The following ABTB3 variants were observed in gnomAD, a reference collection of about 807,000 sequenced individuals.
The protein encoded by ABTB3 is ankyrin repeat- and BTB/POZ domain-containing protein 3.
the ABTB3 span, among the ~76,000 whole-genome samples, chr12:107,491,572 C>G: frequency 6.6e-6 from 1 of 152,102 alleles, no homozygotes; most frequent in Non-Finnish European, 1.5e-5. Context: ...CCTGTAATCC[C>G]AGCACTTTGG....
the ABTB3 span, among the ~76,000 whole-genome samples, chr12:107,463,056 GTGA>G: frequency 1.3e-5 from 2 of 151,720 alleles, no homozygotes; most frequent in South Asian, 2.1e-4. Context: ...GGTGATGATG[GTGA>G]TGATGATGGT....
the ABTB3 span, chr12:107,635,472 A>C: frequency 7.3e-7 from 1 of 1,362,772 alleles, no homozygotes; most frequent in Non-Finnish European, 1.0e-6. Flanking sequence ...AAGGAATGCC[A>C]GGAGGGAGGG....
the ABTB3 span, among the ~76,000 whole-genome samples, chr12:107,450,663 C>T: frequency 2.1e-3 from 327 of 152,258 alleles, 5 homozygotes; most frequent in African/African-American, 7.8e-3. Context: ...AAACTCTAAT[C>T]CTCCTTCCTG....
the ABTB3 span, among the ~76,000 whole-genome samples, chr12:107,526,634 A>G: frequency 1.3e-5 from 2 of 152,098 alleles, no homozygotes; most frequent in Admixed American, 6.5e-5. Flanking sequence ...TCTGTTGTTT[A>G]AAGAAAAAAA....
At chr12:107,426,090 TG>T in the ABTB3 span, among the ~76,000 whole-genome samples, 2 of 148,810 alleles carry the variant, frequency 1.3e-5, no homozygotes, top group African/African-American at 4.9e-5. Flanking sequence ...GCATAAATGC[TG>T]GCATCTCCTT....
At chr12:107,441,201 GA>G in the ABTB3 span, among the ~76,000 whole-genome samples, 1,191 of 152,250 alleles carry the variant, frequency 7.8e-3, 15 homozygotes, top group African/African-American at 0.026. Context: ...CAAAGACATG[GA>G]ATCAACCCAA....
chr12:107,500,142 G>A, the ABTB3 span, among the ~76,000 whole-genome samples: 2 of 152,196 alleles, frequency 1.3e-5, no homozygotes, highest in Non-Finnish European at 2.9e-5. Context: ...GGGACACGGA[G>A]CCAAACCATA....
At chr12:107,608,146 G>A in the ABTB3 span, among the ~76,000 whole-genome samples, 4 of 152,176 alleles carry the variant, frequency 2.6e-5, no homozygotes, top group African/African-American at 9.7e-5. Flanking sequence ...GCATATCTGA[G>A]GCGGACAGGC....
At chr12:107,442,006 G>T in the ABTB3 span, among the ~76,000 whole-genome samples, 1 of 152,114 alleles carries the variant, frequency 6.6e-6, no homozygotes, top group Non-Finnish European at 1.5e-5. Flanking sequence ...TGCTTAGAAT[G>T]CAGAATTCTG....
chr12:107,342,506 T>TG, the ABTB3 span, among the ~76,000 whole-genome samples: 1 of 152,114 alleles, frequency 6.6e-6, no homozygotes, highest in Non-Finnish European at 1.5e-5. Context: ...CTAGGGACCA[T>TG]GGTCAACCTT....
At chr12:107,584,536 C>T in the ABTB3 span, among the ~76,000 whole-genome samples, 1 of 152,222 alleles carries the variant, frequency 6.6e-6, no homozygotes, top group Non-Finnish European at 1.5e-5. Flanking sequence ...CAGAGCTGAG[C>T]TCCTTCTTTC....
chr12:107,647,783 A>T, the ABTB3 span, among the ~76,000 whole-genome samples: 4 of 152,238 alleles, frequency 2.6e-5, no homozygotes. Flanking sequence ...TCCATGAGGC[A>T]GGTAACATTA....
chr12:107,360,119 C>T, the ABTB3 span, among the ~76,000 whole-genome samples: 2 of 152,310 alleles, frequency 1.3e-5, no homozygotes, highest in South Asian at 4.1e-4. Context: ...GAATAAGTCA[C>T]ATAACTAAAT....
At chr12:107,561,546 A>G in the ABTB3 span, among the ~76,000 whole-genome samples, 2 of 152,210 alleles carry the variant, frequency 1.3e-5, no homozygotes, top group African/African-American at 2.4e-5. Context: ...GACTTTATGC[A>G]ATTGGGACTG....
At chr12:107,493,665 G>A in the ABTB3 span, among the ~76,000 whole-genome samples, 7 of 152,284 alleles carry the variant, frequency 4.6e-5, no homozygotes, top group African/African-American at 1.7e-4. Context: ...GTTCATAGTG[G>A]ATGGAACTAG....
At chr12:107,469,910 C>CT in the ABTB3 span, among the ~76,000 whole-genome samples, 1 of 106,140 alleles carries the variant, frequency 9.4e-6, no homozygotes, top group Non-Finnish European at 1.9e-5. Flanking sequence ...TTCTTTCTTT[C>CT]TTTCTTTCTT....
the ABTB3 span, chr12:107,651,877 G>A: frequency 2.4e-5 from 26 of 1,091,834 alleles, no homozygotes; most frequent in Admixed American, 4.8e-4. Context: ...AGGGCAGAGA[G>A]TGGGTGCTGG....
At chr12:107,431,538 G>A in the ABTB3 span, among the ~76,000 whole-genome samples, 14 of 152,206 alleles carry the variant, frequency 9.2e-5, no homozygotes, top group African/African-American at 2.9e-4. Context: ...AAACCTGGGC[G>A]GCGGAGGTTG....
chr12:107,410,747 A>G, the ABTB3 span, among the ~76,000 whole-genome samples: 1 of 152,138 alleles, frequency 6.6e-6, no homozygotes, highest in African/African-American at 2.4e-5. Flanking sequence ...CTTGCTGGGA[A>G]AGGGAGAGAG....
Sources: allele counts gnomAD v4.1 joint callset (sites outside exome capture counted in the v4.1 genomes callset), GRCh38; gene constraint gnomAD v4.1.1; transcripts MANE v1.5; gene names NCBI Gene and HGNC (gene_info 2026-07-23, HGNC 2026-07-21).